UMAD1: variants seen among roughly 807,000 people sequenced by gnomAD.
The protein encoded by UMAD1 is UBAP1-MVB12-associated (UMA)-domain containing protein 1.
Under a neutral mutation model 6.1 loss-of-function variants are expected in UMAD1, and 8 were observed. The ratio of observed to expected loss-of-function variants is 1.30; its 90% CI spans 0.76 to 2.35. The LOEUF is 2.35. Among genes scored for constraint, UMAD1 ranks in the 30% most tolerant of loss-of-function variants. The pLI is 0.00. For synonymous variants in UMAD1, 56 were observed against 31.4 expected (o/e 1.78, Z -2.61); for missense variants, 130 against 78.4 (o/e 1.66, Z -2.49).
At chr7:7,844,963 C>T (rs73674544) in intron 3 of UMAD1, among the ~76,000 whole-genome samples, 1 of 152,036 alleles carries the variant, frequency 6.6e-6, no homozygotes, top group Non-Finnish European at 1.5e-5. Context: ...AAAAGAATCC[C>T]CACCCAAGGT....
intron 2 of UMAD1, among the ~76,000 whole-genome samples, chr7:7,717,349 G>T (rs1340716335): frequency 6.6e-6 from 1 of 152,046 alleles, no homozygotes; most frequent in Non-Finnish European, 1.5e-5. Context: ...AAGCCACCTC[G>T]CCCAGCCTCC....
rs1040095653 is a variant in UMAD1, at chr7:7,799,617, T to C, written c.83-2053T>C. ...TTTATAGTGCGTTATACGTATTTTC[T>C]TAGAAACATCGTGCATGTGCATTGT... On this transcript the variant is annotated intron_variant, in intron 2 of 3. Transcript: ENST00000682710. Among the ~76,000 whole-genome samples the C allele has an allele frequency of 5.3e-5, 8 of 152,254 alleles. 1 individual carries two copies. Among genetic ancestry groups the C allele is most frequent in the African/African-American group, 1.7e-4 (7 of 41,464 alleles).
Position 7,878,471 on chromosome 7 carries a change from T to G in UMAD1, c.*933T>G, listed in dbSNP as rs1784465153. On this transcript the variant is annotated 3_prime_UTR_variant, in exon 4 of 4. Coordinates refer to ENST00000682710, the MANE Select transcript of UMAD1 (RefSeq NM_001302348.2). ...AAACTGAAATCAACTCATTTCCAAT[T>G]AGAGTATAGGCAGAACACCTAGATA... The G allele has an allele frequency of 6.6e-6, 1 of 152,208 alleles. No individual in the cohort carries two copies. Among genetic ancestry groups the G allele is most frequent in the South Asian group, 2.1e-4 (1 of 4,830 alleles). 9.4% of individuals were successfully genotyped at this position (152,208 alleles called of 1,614,324 possible). A position where few individuals can be genotyped will look rare whatever the true frequency, so the allele number is the denominator to read the frequency against.
chr7:7,677,805 CTGGGA>C (rs1779785713), intron 2 of UMAD1, among the ~76,000 whole-genome samples: 1 of 149,652 alleles, frequency 6.7e-6, no homozygotes, highest in Non-Finnish European at 1.5e-5. Flanking sequence ...TCCCAAGTAG[CTGGGA>C]CTACAGGCGC....
At chr7:7,687,775 T>C (rs1021573189) in intron 2 of UMAD1, among the ~76,000 whole-genome samples, 71 of 152,350 alleles carry the variant, frequency 4.7e-4, no homozygotes, top group African/African-American at 1.7e-3. Context: ...AAGTATTAAA[T>C]ACATGATATT....
chr7:7,680,906 T>C (rs1486632346), intron 2 of UMAD1, among the ~76,000 whole-genome samples: 7 of 152,310 alleles, frequency 4.6e-5, no homozygotes, highest in Non-Finnish European at 1.5e-5. Context: ...GCCGTAACCT[T>C]ACTGAATTTA....
intron 2 of UMAD1, among the ~76,000 whole-genome samples, chr7:7,753,509 G>A (rs2115222323): frequency 6.6e-6 from 1 of 152,274 alleles, no homozygotes; most frequent in East Asian, 1.9e-4. Flanking sequence ...CCACGAATAA[G>A]TGAGAGCATG....
rs1563112449 is a variant in UMAD1 at position 7,677,671 on chromosome 7, T to TG, written c.82+4218_82+4219insG. On this transcript the variant is annotated intron_variant, in intron 2 of 3. Coordinates refer to ENST00000682710, the MANE Select transcript of UMAD1 (RefSeq NM_001302348.2). ...CTATTCATCTGTTTTTTTGTTTTTT[T>TG]TTTTTTTTTTTTTTTTTTTTGAGAC... Among the ~76,000 whole-genome samples, 14 of 133,906 alleles carry TG rather than the reference T, an allele frequency of 1.0e-4. 2 individuals are homozygous for TG. The highest frequency in any genetic ancestry group is 7.4e-5 in the Admixed American group (1 of 13,488). 87.8% of individuals were successfully genotyped at this position (133,906 alleles called of 152,430 possible).
chr7:7,791,157 G>C (rs1268371289), intron 2 of UMAD1, among the ~76,000 whole-genome samples: 1 of 150,988 alleles, frequency 6.6e-6, no homozygotes, highest in African/African-American at 2.5e-5. Context: ...CAAAGTGCTG[G>C]GATTACAGGC....
chr7:7,672,080 T>A (rs1239810423), intron 1 of UMAD1, among the ~76,000 whole-genome samples: 1 of 152,228 alleles, frequency 6.6e-6, no homozygotes, highest in Non-Finnish European at 1.5e-5. Flanking sequence ...TAATTTTCAG[T>A]TGCTAGAAGG....
chr7:7,758,216 G>T (rs944500022), intron 2 of UMAD1, among the ~76,000 whole-genome samples: 1 of 152,118 alleles, frequency 6.6e-6, no homozygotes, highest in South Asian at 2.1e-4. Context: ...GCCTTGGCTG[G>T]ATTTTTGGTT....
At chr7:7,779,358 G>T (rs1320166693) in intron 2 of UMAD1, among the ~76,000 whole-genome samples, 1 of 152,010 alleles carries the variant, frequency 6.6e-6, no homozygotes, top group Non-Finnish European at 1.5e-5. Flanking sequence ...CTGACTTCCT[G>T]GGCTCAAGCA....
At chr7:7,654,048 A>C (rs1785286197) in intron 1 of UMAD1, among the ~76,000 whole-genome samples, 1 of 152,192 alleles carries the variant, frequency 6.6e-6, no homozygotes, top group Admixed American at 6.5e-5. Flanking sequence ...TCATATTGTG[A>C]ATAAGAAGCA....
intron 3 of UMAD1, among the ~76,000 whole-genome samples, chr7:7,849,849 C>A (rs898379679): frequency 6.6e-6 from 1 of 152,064 alleles, no homozygotes; most frequent in Admixed American, 6.6e-5. Flanking sequence ...CAGAGCAGGC[C>A]TCTCTGAGTG....
chr7:7,732,910 A>G (rs187189012), intron 2 of UMAD1, among the ~76,000 whole-genome samples: 1 of 152,152 alleles, frequency 6.6e-6, no homozygotes, highest in South Asian at 2.1e-4. Context: ...AATTCCTACT[A>G]CTGATGGTTC....
intron 2 of UMAD1, among the ~76,000 whole-genome samples, chr7:7,722,793 G>A (rs543018589): frequency 1.2e-4 from 18 of 152,336 alleles, no homozygotes; most frequent in African/African-American, 4.3e-4. Context: ...GGTGTCTACT[G>A]TTAAAGTGAA....
intron 2 of UMAD1, among the ~76,000 whole-genome samples, chr7:7,737,236 G>A (rs1213701209): frequency 6.6e-6 from 1 of 152,236 alleles, no homozygotes; most frequent in Non-Finnish European, 1.5e-5. Flanking sequence ...TGAAACTTTG[G>A]TGAGTTAATT....
At chr7:7,677,872 A>G (rs1338890508) in intron 2 of UMAD1, among the ~76,000 whole-genome samples, 1 of 150,398 alleles carries the variant, frequency 6.6e-6, no homozygotes, top group Admixed American at 6.6e-5. Flanking sequence ...ACGGGGTTTC[A>G]CCGTTTTAGC....
intron 3 of UMAD1, among the ~76,000 whole-genome samples, chr7:7,844,219 T>C (rs2115317605): frequency 6.6e-6 from 1 of 152,308 alleles, no homozygotes; most frequent in East Asian, 1.9e-4. Context: ...GATGTGATTA[T>C]TGCAGAACCT....
Sources: gnomAD v4.1 joint callset for allele counts (sites outside exome capture counted in the v4.1 genomes callset) on GRCh38, gnomAD v4.1.1 for gene constraint, MANE v1.5 for transcripts, NCBI Gene and HGNC (gene_info 2026-07-23, HGNC 2026-07-21) for gene names.